Variants in AGBL1 observed in about 807,000 individuals in gnomAD.
The protein encoded by AGBL1 is cytosolic carboxypeptidase 4.
AGBL1 carries 130 observed loss-of-function variants against 118.9 expected under a neutral mutation model. The observed-to-expected ratio is 1.09, with a 90% CI of 0.95 to 1.26. AGBL1 has a LOEUF of 1.26. Among genes scored for constraint, AGBL1 ranks in the 50% most tolerant of loss-of-function variants. The probability of loss-of-function intolerance (pLI) is 0.00; values close to 1 mark genes in which losing one functional copy is unlikely to be tolerated. For missense variants in AGBL1, 1,584 were observed against 1,298.1 expected, an observed-to-expected ratio of 1.22 and a Z score of -3.38; for synonymous variants, 555 against 478.9, an observed-to-expected ratio of 1.16 and a Z score of -2.08.
intron 21 of AGBL1, among the ~76,000 whole-genome samples, chr15:86,599,375 C>T (rs775494262): frequency 2.6e-5 from 4 of 151,960 alleles, no homozygotes; most frequent in Admixed American, 1.3e-4. Context: ...ACAAATTTGC[C>T]ATTGAACATG....
chr15:86,335,615 T>C (rs1287570792), intron 17 of AGBL1, among the ~76,000 whole-genome samples: 1 of 152,120 alleles, frequency 6.6e-6, no homozygotes, highest in African/African-American at 2.4e-5. Context: ...ACACCAAATA[T>C]TGAGGGAAAT....
At chr15:86,722,094 T>C (rs959662798) in intron 22 of AGBL1, among the ~76,000 whole-genome samples, 9 of 152,042 alleles carry the variant, frequency 5.9e-5, no homozygotes, top group Admixed American at 2.0e-4. Flanking sequence ...AGGTAATTTA[T>C]AGATTCAATG....
rs76319837 is a variant in AGBL1, at chr15:86,873,977, C to T, written c.3159-33110C>T. Among the ~76,000 whole-genome samples the T allele has an allele frequency of 4.2e-3, 639 of 152,198 alleles. 4 individuals carry two copies. The highest frequency in any genetic ancestry group is 0.03 in the East Asian group (156 of 5,172). On this transcript the variant is annotated intron_variant, in intron 22 of 22. Coordinates refer to ENST00000614907, the MANE Select transcript of AGBL1 (RefSeq NM_001386094.1). The stretch of plus-strand genomic sequence containing the variant: ...CTAGGTTCAAAACTTGGCTCTATTA[C>T]CTATTAAGCCTGTGAGTCATTTACT...
rs774220419 is a variant in AGBL1 at position 86,264,717 on chromosome 15, G to A, written c.1546G>A (p.Ala516Thr). The A allele has an allele frequency of 5.6e-6, 9 of 1,613,954 alleles. No homozygotes were observed. Among genetic ancestry groups the A allele is most frequent in the Non-Finnish European group, 7.6e-6 (9 of 1,179,892 alleles). Residue 516 changes from alanine (A) to threonine (T), a missense_variant, in exon 11 of 23, where the codon GCC becomes ACC. By Grantham distance (58) the Ala-to-Thr change is moderately conservative. Coordinates refer to ENST00000614907, the MANE Select transcript of AGBL1 (RefSeq NM_001386094.1). ...TTTCCACGATCCCTATCTTTATATG[G>A]CCAAAGCCAGAAGAACCAGCTCTGT... ...VPFHDPYLYM[A>T]KARRTSSVVD... is the part of the protein sequence containing the mutation.
intron 18 of AGBL1, among the ~76,000 whole-genome samples, chr15:86,512,367 A>G (rs1414166914): frequency 1.3e-5 from 2 of 151,934 alleles, no homozygotes; most frequent in Non-Finnish European, 2.9e-5. Context: ...CTATACCTCT[A>G]TATTTGAAAA....
At chr15:86,223,592 C>T (rs776854011) in intron 5 of AGBL1, among the ~76,000 whole-genome samples, 7 of 152,070 alleles carry the variant, frequency 4.6e-5, no homozygotes, top group Non-Finnish European at 1.0e-4. Flanking sequence ...AGAGGAAAAC[C>T]GTTTGAAGGA....
chr15:86,836,462 A>G (rs1452438), intron 22 of AGBL1, among the ~76,000 whole-genome samples: 102,810 of 151,928 alleles, frequency 0.68, 35,491 homozygotes, highest in East Asian at 0.87. Context: ...CTCCAGACAC[A>G]CCGACATCAG....
At chr15:86,982,933 T>C (rs2081246354) in intron 23 of AGBL1, among the ~76,000 whole-genome samples, 1 of 152,208 alleles carries the variant, frequency 6.6e-6, no homozygotes, top group Admixed American at 6.5e-5. Context: ...CTGTATATTC[T>C]TGAGAACCTG....
intron 18 of AGBL1, among the ~76,000 whole-genome samples, chr15:86,471,016 T>G (rs150886796): frequency 5.9e-5 from 9 of 152,166 alleles, no homozygotes; most frequent in Non-Finnish European, 1.2e-4. Flanking sequence ...GCCTTTTATT[T>G]CCTTTTCTTG....
At position 86,514,019 on chromosome 15, in the gene AGBL1, T is replaced by C. The variant is rs140580807; in HGVS notation, c.2556-8791T>C. 1.0e-3 allele frequency among the ~76,000 whole-genome samples: 152 copies of C among 152,120 alleles called. 2 individuals are homozygous for C. The highest frequency in any genetic ancestry group is 3.4e-3 in the African/African-American group (142 of 41,534). Reference sequence around the variant, plus strand: ...TTCAAGCAGCCCTGGTTTCTTTTATTCAATAATGGTATTTAGAAACTGATA... The same window carrying C: ...TTCAAGCAGCCCTGGTTTCTTTTATCCAATAATGGTATTTAGAAACTGATA... On this transcript the variant is annotated intron_variant, in intron 18 of 22. Transcript: ENST00000614907.
chr15:86,183,226 A>G (rs538758026), intron 5 of AGBL1, among the ~76,000 whole-genome samples: 23 of 152,320 alleles, frequency 1.5e-4, no homozygotes, highest in Middle Eastern at 3.4e-3. Flanking sequence ...GAACTGCTAA[A>G]ATTTTTGCAG....
At chr15:86,751,104 T>A (rs2077845103) in intron 22 of AGBL1, among the ~76,000 whole-genome samples, 1 of 152,128 alleles carries the variant, frequency 6.6e-6, no homozygotes, top group South Asian at 2.1e-4. Flanking sequence ...TGAACATAAA[T>A]ATGCATGTAT....
At chr15:86,643,374 A>G (rs2085224103) in intron 21 of AGBL1, among the ~76,000 whole-genome samples, 1 of 152,140 alleles carries the variant, frequency 6.6e-6, no homozygotes, top group Non-Finnish European at 1.5e-5. Context: ...ATGTTTGCCA[A>G]CATTCTACTT....
Position 86,297,371 on chromosome 15 carries a change from A to G in AGBL1, c.2374+1963A>G, listed in dbSNP as rs190577544. On this transcript the variant is annotated intron_variant, in intron 17 of 22. Transcript: ENST00000614907. ...GAAAGGGCTAGTTAGGGCCATCTTC[A>G]TAGGTGTGTCACCTATACATTTGCA... 3.0e-3 allele frequency among the ~76,000 whole-genome samples: 458 copies of G among 152,340 alleles called. 3 individuals carry two copies. Among genetic ancestry groups the G allele is most frequent in the African/African-American group, 0.01 (436 of 41,588 alleles).
At chr15:86,400,331 C>A (rs1297785043) in intron 18 of AGBL1, among the ~76,000 whole-genome samples, 1 of 152,068 alleles carries the variant, frequency 6.6e-6, no homozygotes, top group Non-Finnish European at 1.5e-5. Context: ...TTCTCTCCAA[C>A]CTTGATGCAG....
intron 13 of AGBL1, among the ~76,000 whole-genome samples, chr15:86,267,299 T>C (rs1397903538): frequency 3.5e-4 from 15 of 42,682 alleles, no homozygotes; most frequent in Non-Finnish European, 2.7e-4. Flanking sequence ...AGTGTACTGA[T>C]ATCATAGCTA....
intron 21 of AGBL1, 86 bp downstream of exon 21, chr15:86,554,623 A>C: frequency 7.7e-7 from 1 of 1,293,496 alleles, no homozygotes. Context: ...TTTCTCACCT[A>C]AAAGGGGAAG....
At chr15:86,816,689 A>G (rs544832306) in intron 22 of AGBL1, among the ~76,000 whole-genome samples, 71 of 152,260 alleles carry the variant, frequency 4.7e-4, no homozygotes, top group African/African-American at 1.7e-3. Context: ...ACAAAAACAA[A>G]AATCCCTCAG....
intron 22 of AGBL1, among the ~76,000 whole-genome samples, chr15:86,801,629 T>C (rs945388021): frequency 6.6e-6 from 1 of 152,118 alleles, no homozygotes; most frequent in East Asian, 1.9e-4. Flanking sequence ...CTATAACTTA[T>C]CTATCTAGAT....
Sources: gnomAD v4.1 joint callset for allele counts (sites outside exome capture counted in the v4.1 genomes callset) on GRCh38, gnomAD v4.1.1 for gene constraint, MANE v1.5 for transcripts, NCBI Gene and HGNC (gene_info 2026-07-23, HGNC 2026-07-21) for gene names.